RBFOX1: variants seen among roughly 807,000 people sequenced by gnomAD.
The protein encoded by RBFOX1 is RNA binding protein fox-1 homolog 1.
Under a neutral mutation model 57.7 loss-of-function variants are expected in RBFOX1, and 8 were observed. That is an observed-to-expected ratio of 0.14 (90% CI 0.08 to 0.25). The LOEUF (loss-of-function observed/expected upper bound fraction) is 0.25. Among genes scored for constraint, RBFOX1 ranks in the 10% least tolerant of loss-of-function variants. The pLI is 1.00. For missense variants in RBFOX1, 611 were observed against 548.5 expected (o/e 1.11, Z -1.14); for synonymous variants, 326 against 222.4 (o/e 1.47, Z -4.15).
At chr16:7,667,481 C>G (rs1265988412) in intron 13 of RBFOX1, among the ~76,000 whole-genome samples, 2 of 152,082 alleles carry the variant, frequency 1.3e-5, no homozygotes, top group East Asian at 1.9e-4. Flanking sequence ...GGAAATATCC[C>G]CAAGCTTCGT....
intron 3 of RBFOX1, among the ~76,000 whole-genome samples, chr16:7,003,396 G>A (rs1361969437): frequency 6.6e-6 from 1 of 151,658 alleles, no homozygotes; most frequent in Non-Finnish European, 1.5e-5. Context: ...GGAGGCGGAG[G>A]TTGCACTGAG....
intron 1 of RBFOX1, among the ~76,000 whole-genome samples, chr16:6,223,775 C>G (rs1362362886): frequency 6.6e-6 from 1 of 152,172 alleles, no homozygotes; most frequent in Non-Finnish European, 1.5e-5. Flanking sequence ...AAGTCCTTGC[C>G]CATGTCTATG....
chr16:5,261,537 A>C (rs1377216113), intron 1 of RBFOX1, among the ~76,000 whole-genome samples: 2 of 137,868 alleles, frequency 1.5e-5, no homozygotes, highest in Non-Finnish European at 3.1e-5. Context: ...CTGACATTTC[A>C]CTGTGTGTAT....
intron 3 of RBFOX1, among the ~76,000 whole-genome samples, chr16:6,863,243 G>T (rs996161349): frequency 6.6e-6 from 1 of 152,086 alleles, no homozygotes; most frequent in Non-Finnish European, 1.5e-5. Context: ...CTAAAGGCAA[G>T]ACCCTCAAGG....
intron 1 of RBFOX1, among the ~76,000 whole-genome samples, chr16:6,213,301 G>T (rs1432179257): frequency 1.3e-5 from 2 of 152,068 alleles, no homozygotes; most frequent in Non-Finnish European, 2.9e-5. Context: ...CTTCATTGAG[G>T]TATCAGCTCA....
chr16:5,559,856 A>G (rs2045827872), intron 2 of RBFOX1, among the ~76,000 whole-genome samples: 1 of 152,068 alleles, frequency 6.6e-6, no homozygotes, highest in South Asian at 2.1e-4. Context: ...GCAAGCTCAC[A>G]TCATACCCTT....
At chr16:5,500,538 A>C (rs2151696068) in intron 2 of RBFOX1, among the ~76,000 whole-genome samples, 1 of 152,154 alleles carries the variant, frequency 6.6e-6, no homozygotes, top group Middle Eastern at 3.4e-3. Context: ...CAGGCTTTCA[A>C]ATGTTTATAT....
At chr16:7,187,690 C>CAAAAAAAAA (rs536529201) in intron 4 of RBFOX1, among the ~76,000 whole-genome samples, 12 of 72,570 alleles carry the variant, frequency 1.7e-4, no homozygotes, top group Admixed American at 2.3e-4. Flanking sequence ...CTCTGTCTCA[C>CAAAAAAAAA]AAAAAAAAAA....
chr16:5,707,359 C>A (rs906046203), intron 3 of RBFOX1, among the ~76,000 whole-genome samples: 3 of 152,180 alleles, frequency 2.0e-5, no homozygotes, highest in Non-Finnish European at 4.4e-5. Context: ...TCTTTAAGAG[C>A]CTCAAGGAAA....
At chr16:6,740,520 G>T (rs1458508080) in intron 3 of RBFOX1, among the ~76,000 whole-genome samples, 1 of 152,140 alleles carries the variant, frequency 6.6e-6, no homozygotes, top group East Asian at 1.9e-4. Flanking sequence ...ACATTTTGTG[G>T]ACTGACAAGT....
At chr16:5,515,305 A>G (rs994978006) in intron 2 of RBFOX1, among the ~76,000 whole-genome samples, 1 of 152,210 alleles carries the variant, frequency 6.6e-6, no homozygotes, top group South Asian at 2.1e-4. Flanking sequence ...AGCTGTCAGC[A>G]CTTTGGGGAG....
chr16:5,353,611 T>C (rs763488852), intron 1 of RBFOX1, among the ~76,000 whole-genome samples: 3 of 151,964 alleles, frequency 2.0e-5, no homozygotes, highest in Non-Finnish European at 4.4e-5. Context: ...GTGCATCACA[T>C]CAAGAGGTAG....
chr16:5,676,505 C>T (rs928450965), intron 3 of RBFOX1, among the ~76,000 whole-genome samples: 3 of 152,150 alleles, frequency 2.0e-5, no homozygotes, highest in Non-Finnish European at 2.9e-5. Context: ...TCAGTTTTTC[C>T]ATGTGCAAAA....
chr16:6,360,941 C>G (rs192303871), intron 2 of RBFOX1, among the ~76,000 whole-genome samples: 28 of 141,342 alleles, frequency 2.0e-4, no homozygotes, highest in Non-Finnish European at 3.8e-4. Flanking sequence ...GTGGTCCTTT[C>G]ACATCTTTTT....
intron 1 of RBFOX1, among the ~76,000 whole-genome samples, chr16:6,193,782 G>C (rs552359790): frequency 6.6e-6 from 1 of 151,774 alleles, no homozygotes; most frequent in South Asian, 2.1e-4. Flanking sequence ...CTCCCCACTG[G>C]GTTTGTCACT....
chr16:6,886,710 G>A (rs891622467), intron 3 of RBFOX1, among the ~76,000 whole-genome samples: 5 of 150,894 alleles, frequency 3.3e-5, no homozygotes, highest in Admixed American at 6.6e-5. Flanking sequence ...AACTGAGATC[G>A]CACCACCGCA....
rs139112414 is a variant in RBFOX1 at position 5,910,870 on chromosome 16, G to T, written c.351+43535G>T. Reference sequence around the variant, plus strand: ...GAAAGCTCCCTGTTCCGTGACAGATGGAAGCTGGTGTACAAACACCCCACA... The same window carrying T: ...GAAAGCTCCCTGTTCCGTGACAGATTGAAGCTGGTGTACAAACACCCCACA... On this transcript the variant is annotated intron_variant, in intron 4 of 19. Coordinates refer to the RBFOX1 transcript ENST00000641259. Among the ~76,000 whole-genome samples the T allele has an allele frequency of 2.1e-3, 317 of 152,240 alleles. 1 individual carries two copies. Among genetic ancestry groups the T allele is most frequent in the Non-Finnish European group, 3.5e-3 (237 of 68,016 alleles).
chr16:5,686,267 G>C (rs1260139540), intron 3 of RBFOX1, among the ~76,000 whole-genome samples: 6 of 152,196 alleles, frequency 3.9e-5, no homozygotes, highest in Non-Finnish European at 8.8e-5. Context: ...ACTGGGCACT[G>C]TGGGGTTATG....
At chr16:5,925,887 A>C (rs538556492) in intron 4 of RBFOX1, among the ~76,000 whole-genome samples, 2 of 152,124 alleles carry the variant, frequency 1.3e-5, no homozygotes, top group African/African-American at 4.8e-5. Flanking sequence ...TTTCACTACC[A>C]CAAATCGAAC....
Sources: allele counts gnomAD v4.1 joint callset (sites outside exome capture counted in the v4.1 genomes callset), GRCh38; gene constraint gnomAD v4.1.1; transcripts MANE v1.5; gene names NCBI Gene and HGNC (gene_info 2026-07-23, HGNC 2026-07-21).